MAP3K5: variants seen among roughly 807,000 people sequenced by gnomAD.
MAP3K5 encodes ASK-1.
MAP3K5 carries 56 observed loss-of-function variants against 158.7 expected under a neutral mutation model. The observed-to-expected ratio is 0.35, with a 90% confidence interval of 0.28 to 0.44. The LOEUF is 0.44. Among genes scored for constraint, MAP3K5 ranks in the 20% least tolerant of loss-of-function variants. The pLI is 1.00. For synonymous variants in MAP3K5, 579 were observed against 601.7 expected (o/e 0.96, Z 0.55); for missense variants, 1,294 against 1,674.8 (o/e 0.77, Z 3.97).
intron 7 of MAP3K5, among the ~76,000 whole-genome samples, chr6:136,672,986 T>A (rs1464732277): frequency 3.6e-5 from 4 of 112,150 alleles, no homozygotes; most frequent in African/African-American, 1.2e-4. Flanking sequence ...AAAGACTCTA[T>A]CTCAAAAAAA....
intron 28 of MAP3K5, 61 bp from the exon 29 acceptor site, chr6:136,558,937 T>C (rs1032169791): frequency 1.2e-6 from 1 of 835,362 alleles, no homozygotes; most frequent in Non-Finnish European, 2.0e-6. Context: ...AAGCACAAAC[T>C]CTATTCATAA....
intron 10 of MAP3K5, among the ~76,000 whole-genome samples, chr6:136,655,560 CAG>C (rs1778704735): frequency 6.6e-6 from 1 of 152,130 alleles, no homozygotes; most frequent in Non-Finnish European, 1.5e-5. Flanking sequence ...TTAGAGAGCT[CAG>C]AGAGATTTAT....
At chr6:136,769,848 G>GA (rs1784127707) in intron 1 of MAP3K5, among the ~76,000 whole-genome samples, 1 of 80,848 alleles carries the variant, frequency 1.2e-5, no homozygotes, top group African/African-American at 4.7e-5. Flanking sequence ...GGGAGGGAGG[G>GA]AGGGAGGGGA....
intron 24 of MAP3K5, 73 bp from the exon 25 acceptor site, chr6:136,580,479 T>C (rs1774821696): frequency 3.5e-6 from 3 of 855,564 alleles, no homozygotes; most frequent in Admixed American, 2.0e-5. Flanking sequence ...AGCACTTGTA[T>C]GAAGTTCCAT....
chr6:136,621,354 C>A (rs1029097643), intron 15 of MAP3K5, among the ~76,000 whole-genome samples: 3 of 152,270 alleles, frequency 2.0e-5, no homozygotes, highest in African/African-American at 7.2e-5. Context: ...CCATGAGAGC[C>A]CTAAGCATGT....
At chr6:136,761,713 T>G (rs1425827149) in intron 1 of MAP3K5, among the ~76,000 whole-genome samples, 1 of 152,086 alleles carries the variant, frequency 6.6e-6, no homozygotes, top group African/African-American at 2.4e-5. Context: ...ATGCCAAACC[T>G]CAAAAGGCTT....
chr6:136,695,262 C>T (rs1236654202), intron 6 of MAP3K5, among the ~76,000 whole-genome samples: 1 of 152,002 alleles, frequency 6.6e-6, no homozygotes, highest in Non-Finnish European at 1.5e-5. Flanking sequence ...CTCAGCCTCC[C>T]GAGTAGCCGG....
At chr6:136,602,382 A>AG (rs1458428136) in intron 19 of MAP3K5, among the ~76,000 whole-genome samples, 1 of 152,112 alleles carries the variant, frequency 6.6e-6, no homozygotes, top group Non-Finnish European at 1.5e-5. Flanking sequence ...AGCTCACTGC[A>AG]GTCTCGACCT....
At chr6:136,690,344 A>G (rs1780333802) in intron 7 of MAP3K5, among the ~76,000 whole-genome samples, 1 of 152,156 alleles carries the variant, frequency 6.6e-6, no homozygotes, top group Non-Finnish European at 1.5e-5. Flanking sequence ...ACTTTAATGT[A>G]GAGAAATGTC....
chr6:136,653,654 T>G (rs1179030366), intron 10 of MAP3K5, among the ~76,000 whole-genome samples: 3 of 152,246 alleles, frequency 2.0e-5, no homozygotes, highest in Non-Finnish European at 4.4e-5. Flanking sequence ...TACTGAGATT[T>G]AAAAATCATC....
chr6:136,673,860 G>A (rs913174066), intron 7 of MAP3K5, among the ~76,000 whole-genome samples: 1 of 151,928 alleles, frequency 6.6e-6, no homozygotes, highest in African/African-American at 2.4e-5. Context: ...GAGATATAAT[G>A]GATAAAAACA....
chr6:136,768,997 A>C (rs1554317260), intron 1 of MAP3K5, among the ~76,000 whole-genome samples: 3 of 151,952 alleles, frequency 2.0e-5, no homozygotes, highest in Non-Finnish European at 4.4e-5. Context: ...CAGCAATTCC[A>C]CTCCTAGATA....
intron 14 of MAP3K5, among the ~76,000 whole-genome samples, chr6:136,624,157 G>A (rs1776932889): frequency 1.3e-5 from 2 of 152,084 alleles, no homozygotes; most frequent in Admixed American, 1.3e-4. Flanking sequence ...TGGCGACACT[G>A]CACTCCAGCC....
At position 136,605,326 on chromosome 6, in the gene MAP3K5, T is replaced by G; in HGVS notation, c.2562A>C (p.Gly854=). 1 of 1,614,084 alleles carries G rather than the reference T, an allele frequency of 6.2e-7. No individual in the cohort carries two copies. Among genetic ancestry groups the G allele is most frequent in the Non-Finnish European group, 8.5e-7 (1 of 1,179,984 alleles). Residue 854 remains glycine (G), a synonymous_variant, in exon 19 of 30, where the codon GGA becomes GGC. Coordinates refer to ENST00000359015, the MANE Select transcript of MAP3K5 (RefSeq NM_005923.4). ...QYMAPEIIDK[G]PRGYGKAADI... ...CTGCTGCTTTTCCGTAGCCTCTTGGTCCTTTATCTATTATTTCTGGTGCCA... is the reference window on the plus strand; with the variant it reads ...CTGCTGCTTTTCCGTAGCCTCTTGGGCCTTTATCTATTATTTCTGGTGCCA...
chr6:136,792,065 C>T lies in MAP3K5; in HGVS notation c.93G>A (p.Arg31=). 1 of 1,567,394 alleles carries T rather than the reference C, an allele frequency of 6.4e-7. No individual in the cohort carries two copies. ...CGCCCACCGCCGCCGCTCCTCCCCT[C>T]CTGCAGATGCCGCCCTCGGGGATGG... The part of the protein sequence containing the change: ...FCTIPEGGIC[R]RGGAAAVGEG... The change falls in exon 1 of 30, where the codon AGG becomes AGA. Residue 31 remains arginine (R), a synonymous_variant. Transcript: ENST00000359015. This position sits in a 1 kb window ranked among gnomAD's most constrained non-coding sequence, Gnocchi z 5.7.
intron 1 of MAP3K5, among the ~76,000 whole-genome samples, chr6:136,738,405 A>T (rs1782566642): frequency 6.6e-6 from 1 of 152,142 alleles, no homozygotes; most frequent in African/African-American, 2.4e-5. Context: ...AATACCCGGC[A>T]GAGGAGGCAT....
intron 1 of MAP3K5, among the ~76,000 whole-genome samples, chr6:136,745,280 T>C (rs1228824634): frequency 6.6e-6 from 1 of 151,532 alleles, no homozygotes; most frequent in Non-Finnish European, 1.5e-5. Flanking sequence ...GTATTAAAAA[T>C]GGGATAAATA....
At chr6:136,593,344 T>G (rs1775478995) in intron 21 of MAP3K5, among the ~76,000 whole-genome samples, 1 of 152,166 alleles carries the variant, frequency 6.6e-6, no homozygotes, top group South Asian at 2.1e-4. Flanking sequence ...TAAAGAAAGC[T>G]TCATAGGTTG....
At chr6:136,782,101 G>C (rs1272697998) in intron 1 of MAP3K5, among the ~76,000 whole-genome samples, 1 of 150,712 alleles carries the variant, frequency 6.6e-6, no homozygotes, top group East Asian at 1.9e-4. Context: ...AGCTTTGGAT[G>C]ACTTTTTAAA....
Sources: gnomAD v4.1 joint callset for allele counts (sites outside exome capture counted in the v4.1 genomes callset) on GRCh38, gnomAD v4.1.1 for gene constraint, Gnocchi (gnomAD v3.1) non-coding constraint, MANE v1.5 for transcripts, NCBI Gene and HGNC (gene_info 2026-07-23, HGNC 2026-07-21) for gene names.